BCL2L13: variants seen among roughly 807,000 people sequenced by gnomAD.
BCL2L13 encodes the protein BCL2 like 13.
BCL2L13 carries 13 observed loss-of-function variants against 25.8 expected under a neutral mutation model. That is an observed-to-expected ratio of 0.50 (90% CI 0.33 to 0.80). The LOEUF (loss-of-function observed/expected upper bound fraction) is 0.80. Among genes scored for constraint, BCL2L13 ranks in the 30% least tolerant of loss-of-function variants. The pLI is 0.02. For synonymous variants in BCL2L13, 244 were observed against 230.3 expected (o/e 1.06, Z -0.54); for missense variants, 504 against 574.9 (o/e 0.88, Z 1.26).
chr22:17,688,540 T>G (rs1279391552), intron 3 of BCL2L13, among the ~76,000 whole-genome samples: 1 of 152,166 alleles, frequency 6.6e-6, no homozygotes. Context: ...ATTGATTAGC[T>G]TATTATAACA....
At chr22:17,686,010 G>A (rs111298155) in intron 3 of BCL2L13, among the ~76,000 whole-genome samples, 8,033 of 151,532 alleles carry the variant, frequency 0.053, 354 homozygotes, top group African/African-American at 0.12. Flanking sequence ...CTGACCTCAT[G>A]ACCCGCCCAC....
In BCL2L13 at chr22:17,689,057, G is replaced by A; in HGVS notation, c.301G>A (p.Glu101Lys). Residue 101 changes from glutamate to lysine, a missense_variant, in exon 4 of 7, where the codon GAA (glutamate) becomes AAA (lysine). Transcript: ENST00000317582. ...FSPANPESSMEDCLAHLGEKV... is the reference protein window; with the variant it reads ...FSPANPESSMKDCLAHLGEKV... ...CCCTGCCAATCCAGAAAGCTCAATG[G>A]AAGACTGCTTGGCCCATCTTGGAGA... The A allele has an allele frequency of 1.9e-6, 3 of 1,614,184 alleles. No homozygotes were observed. Among genetic ancestry groups the A allele is most frequent in the Non-Finnish European group, 2.5e-6 (3 of 1,180,020 alleles).
chr22:17,726,752 A>C lies in BCL2L13; in HGVS notation c.676A>C (p.Ile226Leu), dbSNP rs777222596. 1.2e-6 allele frequency: 2 copies of C among 1,614,200 alleles called. No individual in the cohort carries two copies. Among genetic ancestry groups the C allele is most frequent in the Non-Finnish European group, 1.7e-6 (2 of 1,180,038 alleles). The change falls in exon 7 of 7, where the codon ATC (isoleucine) becomes CTC (leucine). Residue 226 changes from isoleucine to leucine, a missense_variant. By Grantham distance (5) the Ile-to-Leu change is conservative (BLOSUM62 2). Transcript: ENST00000317582. ...TGCAGAAGATAGCAATGACATTTAC[A>C]TCCTGCCCAGCGACAACTCTGGACA... ...ITAEDSNDIY[I>L]LPSDNSGQVS...
intron 2 of BCL2L13, among the ~76,000 whole-genome samples, chr22:17,676,751 T>C (rs1010264413): frequency 3.9e-5 from 6 of 152,196 alleles, no homozygotes; most frequent in African/African-American, 1.4e-4. Context: ...ACACTACAAA[T>C]TACTTCTAAA....
chr22:17,719,324 G>GT (rs1357311491), intron 6 of BCL2L13, among the ~76,000 whole-genome samples: 3 of 151,922 alleles, frequency 2.0e-5, no homozygotes, highest in Non-Finnish European at 2.9e-5. Context: ...TTTCAGAAAT[G>GT]TTTTGGAATT....
chr22:17,693,536 C>T (rs187331014), intron 4 of BCL2L13, among the ~76,000 whole-genome samples: 32 of 151,968 alleles, frequency 2.1e-4, no homozygotes, highest in East Asian at 3.9e-4. Flanking sequence ...TGCGCCAACA[C>T]GCGCAGCTAA....
chr22:17,637,392 G>A (rs192667377), upstream of BCL2L13, among the ~76,000 whole-genome samples: 4 of 145,276 alleles, frequency 2.8e-5, no homozygotes, highest in African/African-American at 1.0e-4. Flanking sequence ...GGGCGACAGA[G>A]TGAGACTCTG....
intron 1 of BCL2L13, among the ~76,000 whole-genome samples, chr22:17,642,753 C>A (rs1376672195): frequency 6.6e-6 from 1 of 151,946 alleles, no homozygotes; most frequent in Non-Finnish European, 1.5e-5. Flanking sequence ...ACCACCATAC[C>A]CAGCTAATTT....
upstream of BCL2L13, among the ~76,000 whole-genome samples, chr22:17,636,817 A>G (rs1166179623): frequency 6.6e-6 from 1 of 152,132 alleles, no homozygotes; most frequent in Non-Finnish European, 1.5e-5. Flanking sequence ...TAAAAAATAA[A>G]TAAATAAATA....
At chr22:17,717,361 A>G (rs1446786998) in intron 6 of BCL2L13, among the ~76,000 whole-genome samples, 1 of 135,862 alleles carries the variant, frequency 7.4e-6, no homozygotes, top group Non-Finnish European at 1.7e-5. Context: ...GCCTGGGGCA[A>G]CAGAGTGAGA....
At chr22:17,641,128 G>A (rs1016465576) in intron 1 of BCL2L13, among the ~76,000 whole-genome samples, 2 of 151,970 alleles carry the variant, frequency 1.3e-5, no homozygotes, top group Non-Finnish European at 2.9e-5. Flanking sequence ...CTGACCTCGC[G>A]ATCTGCCCGC....
chr22:17,649,957 G>A (rs891838271), intron 1 of BCL2L13, among the ~76,000 whole-genome samples: 36 of 135,108 alleles, frequency 2.7e-4, no homozygotes, highest in African/African-American at 9.9e-4. Flanking sequence ...TGCAGCCTCC[G>A]CCTCCCTGCT....
At position 17,728,062 on chromosome 22, in the gene BCL2L13, T is replaced by A. The variant is rs74932682; in HGVS notation, c.*528T>A. On this transcript the variant is annotated 3_prime_UTR_variant, in exon 7 of 7. Transcript: ENST00000317582. ...GCTCCTCAGCTACTGACTTCTTAGCTCTTAATCCCCTTAGAATTTCATCTT... is the reference window on the plus strand; with the variant it reads ...GCTCCTCAGCTACTGACTTCTTAGCACTTAATCCCCTTAGAATTTCATCTT... 6.7e-3 allele frequency: 1,074 copies of A among 160,564 alleles called. 8 individuals carry two copies. Among genetic ancestry groups the A allele is most frequent in the Non-Finnish European group, 8.5e-3 (617 of 72,194 alleles). The allele number at this position is 160,564 out of a possible 1,614,324, so 9.9% of individuals were successfully genotyped here. A position where few individuals can be genotyped will look rare whatever the true frequency, so the allele number is the denominator to read the frequency against.
At chr22:17,695,943 G>A (rs1286587612) in intron 4 of BCL2L13, 198 bp from the exon 5 acceptor site, 1 of 466,628 alleles carries the variant, frequency 2.1e-6, no homozygotes, top group Non-Finnish European at 3.9e-6. Context: ...CTATTTCCCA[G>A]GCATGCATCA....
chr22:17,655,749 A>G lies in BCL2L13; in HGVS notation c.38A>G (p.Tyr13Cys), dbSNP rs1467933463. 3.7e-6 allele frequency: 6 copies of G among 1,613,728 alleles called. No individual in the cohort carries two copies. Among genetic ancestry groups the G allele is most frequent in the Non-Finnish European group, 4.2e-6 (5 of 1,179,820 alleles). Reference protein sequence around the residue: ...SSSTVPLGFHYETKYVVLSYL... With the variant: ...SSSTVPLGFHCETKYVVLSYL... ...TCTACTGTGCCTCTGGGATTTCACT[A>G]TGAAACAAAGTATGTTGTTCTCAGC... is the stretch of plus-strand genomic sequence containing the variant. The change falls in exon 2 of 7, where the codon TAT becomes TGT. Residue 13 changes from tyrosine to cysteine, a missense_variant. Coordinates refer to ENST00000317582, the MANE Select transcript of BCL2L13 (RefSeq NM_015367.4).
At chr22:17,694,672 T>C (rs2060211149) in intron 4 of BCL2L13, among the ~76,000 whole-genome samples, 1 of 152,222 alleles carries the variant, frequency 6.6e-6, no homozygotes, top group Admixed American at 6.5e-5. Context: ...GCACACTGGC[T>C]ACGTTTCTAA....
At chr22:17,725,531 T>C (rs2145840945) in intron 6 of BCL2L13, among the ~76,000 whole-genome samples, 1 of 152,300 alleles carries the variant, frequency 6.6e-6, no homozygotes, top group Admixed American at 6.5e-5. Context: ...CTTTTTCCCA[T>C]CTGAACTTTT....
Position 17,725,583 on chromosome 22 carries a change from C to T in BCL2L13, c.601-1094C>T, listed in dbSNP as rs192960282. Among the ~76,000 whole-genome samples, 11 of 152,276 alleles carry T rather than the reference C, an allele frequency of 7.2e-5. No homozygotes were observed. In the East Asian group the frequency reaches 2.1e-3, roughly 29 times the overall value. ...GGAAAGCAACACTGCCATATGAACT[C>T]TTAATGGCACTTGGACTATGACATA... On this transcript the variant is annotated intron_variant, in intron 6 of 6. Transcript: ENST00000317582.
intron 2 of BCL2L13, among the ~76,000 whole-genome samples, chr22:17,672,162 C>T (rs897907848): frequency 2.0e-5 from 3 of 152,190 alleles, no homozygotes; most frequent in East Asian, 1.9e-4. Context: ...AGAGTGTTAT[C>T]GCAAGGCTAA....
Sources: allele counts gnomAD v4.1 joint callset (sites outside exome capture counted in the v4.1 genomes callset), GRCh38; gene constraint gnomAD v4.1.1; transcripts MANE v1.5; gene names NCBI Gene and HGNC (gene_info 2026-07-23, HGNC 2026-07-21).